Variants in ANXA8 observed in about 807,000 individuals in gnomAD.
ANXA8 encodes VAC-beta.
In ANXA8, 9 loss-of-function variants were observed where a neutral mutation model predicts 26.8. The observed-to-expected ratio is 0.34, with a 90% CI of 0.20 to 0.59. The LOEUF is 0.59. ANXA8 is among the 20% of genes least tolerant of loss of function. ANXA8 has a pLI of 0.84. For missense variants in ANXA8, 83 were observed against 238.5 expected (o/e 0.35, Z 4.29); for synonymous variants, 39 against 94.8 (o/e 0.41, Z 3.42).
the ANXA8 span, among the ~76,000 whole-genome samples, chr10:47,681,431 G>GA: frequency 6.7e-6 from 1 of 150,044 alleles, no homozygotes; most frequent in African/African-American, 2.4e-5. Context: ...GGGTGGAGAT[G>GA]AAAGCAAGCA....
the ANXA8 span, among the ~76,000 whole-genome samples, chr10:47,525,427 C>T: frequency 1.4e-5 from 2 of 142,410 alleles, no homozygotes; most frequent in South Asian, 2.2e-4. Context: ...CAAAACAAAA[C>T]CCTATAAGAT....
upstream of ANXA8, chr10:47,484,707 C>T (rs1839995817): frequency 1.5e-5 from 11 of 713,626 alleles, no homozygotes; most frequent in Admixed American, 6.4e-5. Context: ...GGGGAGGTCT[C>T]GTTTCTTTGG....
chr10:47,492,955 G>T, the ANXA8 span, among the ~76,000 whole-genome samples: 1 of 151,304 alleles, frequency 6.6e-6, no homozygotes, highest in Non-Finnish European at 1.5e-5. Context: ...TTACTGGACT[G>T]TGGGCCCTCC....
chr10:47,777,396 T>TCC, the ANXA8 span, among the ~76,000 whole-genome samples: 1 of 151,962 alleles, frequency 6.6e-6, no homozygotes, highest in Non-Finnish European at 1.5e-5. Flanking sequence ...CAAGCAATCC[T>TCC]CCCATCTTGG....
chr10:47,496,981 G>T, the ANXA8 span, among the ~76,000 whole-genome samples: 1 of 146,882 alleles, frequency 6.8e-6, no homozygotes, highest in Non-Finnish European at 1.5e-5. Flanking sequence ...GATCTTAGGA[G>T]AAATACTTGG....
the ANXA8 span, among the ~76,000 whole-genome samples, chr10:47,521,490 C>T: frequency 1.4e-5 from 2 of 139,758 alleles, no homozygotes; most frequent in Non-Finnish European, 3.1e-5. Context: ...ATTAAGAGCC[C>T]AACCAAAGTT....
chr10:47,625,918 G>A, the ANXA8 span, among the ~76,000 whole-genome samples: 1 of 150,726 alleles, frequency 6.6e-6, no homozygotes, highest in Non-Finnish European at 1.5e-5. Flanking sequence ...TTAACTGTCT[G>A]TTTCTATGAG....
the ANXA8 span, among the ~76,000 whole-genome samples, chr10:47,549,907 T>C: frequency 0.23 from 26,255 of 112,972 alleles, 3,799 homozygotes; most frequent in African/African-American, 0.44. Context: ...AGTTTTGAGA[T>C]CAGCCTGGGC....
At chr10:47,986,231 G>T in the ANXA8 span, 2 of 152,646 alleles carry the variant, frequency 1.3e-5, no homozygotes, top group Admixed American at 6.5e-5. Flanking sequence ...CATGAGGTGG[G>T]CTTGTTTGAA....
At chr10:47,768,011 C>T in the ANXA8 span, among the ~76,000 whole-genome samples, 20 of 149,466 alleles carry the variant, frequency 1.3e-4, 1 homozygote, top group Admixed American at 4.0e-4. Flanking sequence ...GGAGCTGAGC[C>T]GGCGTTGGCA....
At chr10:47,970,749 C>T in the ANXA8 span, among the ~76,000 whole-genome samples, 3 of 151,360 alleles carry the variant, frequency 2.0e-5, no homozygotes, top group Non-Finnish European at 4.4e-5. Flanking sequence ...CAAACCTTTT[C>T]ACAGGCCCTG....
At chr10:47,659,971 G>GGT in the ANXA8 span, among the ~76,000 whole-genome samples, 2 of 149,440 alleles carry the variant, frequency 1.3e-5, no homozygotes, top group East Asian at 3.9e-4. Context: ...TGCCCAGGCT[G>GGT]GTCTCAAACT....
chr10:47,546,475 TCAGCG>T, the ANXA8 span, among the ~76,000 whole-genome samples: 6 of 122,888 alleles, frequency 4.9e-5, no homozygotes, highest in African/African-American at 1.9e-4. Context: ...TGATCTCGGC[TCAGCG>T]CAAGCTCCGC....
chr10:47,674,855 GTA>G, the ANXA8 span, among the ~76,000 whole-genome samples: 1 of 151,712 alleles, frequency 6.6e-6, no homozygotes, highest in Non-Finnish European at 1.5e-5. Context: ...CTTTCAGTTG[GTA>G]TGACTTTTTG....
the ANXA8 span, among the ~76,000 whole-genome samples, chr10:47,737,829 A>C: frequency 1.6e-5 from 2 of 123,330 alleles, no homozygotes; most frequent in Non-Finnish European, 1.7e-5. Flanking sequence ...CTCCATACCC[A>C]CCCCCTTTCC....
At chr10:47,743,355 C>CATATATATAT in the ANXA8 span, among the ~76,000 whole-genome samples, 5 of 45,168 alleles carry the variant, frequency 1.1e-4, no homozygotes, top group Non-Finnish European at 2.4e-4. Flanking sequence ...TATATATATA[C>CATATATATAT]ACATATATAT....
the ANXA8 span, among the ~76,000 whole-genome samples, chr10:47,594,240 G>A: frequency 6.7e-6 from 1 of 149,730 alleles, no homozygotes; most frequent in Non-Finnish European, 1.5e-5. Flanking sequence ...CTATTACTTC[G>A]GTACCTATAG....
At chr10:47,748,179 C>CA in the ANXA8 span, among the ~76,000 whole-genome samples, 2 of 151,170 alleles carry the variant, frequency 1.3e-5, no homozygotes, top group Non-Finnish European at 2.9e-5. Context: ...TAAATAAAAA[C>CA]AAAACTGCAT....
chr10:47,620,711 T>G, the ANXA8 span, among the ~76,000 whole-genome samples: 2 of 108,488 alleles, frequency 1.8e-5, no homozygotes, highest in Non-Finnish European at 4.0e-5. Flanking sequence ...CATTTATTAT[T>G]TAACTGGAAC....
Sources: gnomAD v4.1 joint callset for allele counts (sites outside exome capture counted in the v4.1 genomes callset) on GRCh38, gnomAD v4.1.1 for gene constraint, MANE v1.5 for transcripts, NCBI Gene and HGNC (gene_info 2026-07-23, HGNC 2026-07-21) for gene names.